The following ABCB5 variants were observed in gnomAD, a reference collection of about 807,000 sequenced individuals.
The protein encoded by ABCB5 is ATP binding cassette subfamily B member 5.
A neutral mutation model predicts 144.2 loss-of-function variants in ABCB5; 155 were observed. That is an observed-to-expected ratio of 1.08 (90% CI 0.94 to 1.23). The LOEUF (loss-of-function observed/expected upper bound fraction) is 1.23. ABCB5 is among the 50% of genes most tolerant of loss of function. The pLI, the probability that ABCB5 is intolerant of heterozygous loss-of-function variation, is 0.00. For missense variants in ABCB5, 1,830 were observed against 1,520.8 expected, an observed-to-expected ratio of 1.20 and a Z score of -3.38; for synonymous variants, 610 against 528.6, an observed-to-expected ratio of 1.15 and a Z score of -2.11.
chr7:20,733,178 C>T lies in ABCB5; in HGVS notation c.2867+4723C>T, dbSNP rs138940993. ...GATTCCAGAGGTTTGGTTTACTCAA[C>T]GTACATTATTATTATTATTATTATT... is the stretch of plus-strand genomic sequence containing the variant. On this transcript the variant is annotated intron_variant, in intron 23 of 27. Coordinates refer to ENST00000404938, the MANE Select transcript of ABCB5 (RefSeq NM_001163941.2). Among the ~76,000 whole-genome samples, 893 of 150,842 alleles carry T rather than the reference C, an allele frequency of 5.9e-3. 10 individuals carry two copies. Among genetic ancestry groups the T allele is most frequent in the African/African-American group, 0.021 (837 of 40,542 alleles).
intron 22 of ABCB5, 30 bp from the exon 23 acceptor site, chr7:20,728,285 T>C (rs1371803364): frequency 1.9e-6 from 3 of 1,609,836 alleles, no homozygotes; most frequent in Non-Finnish European, 2.5e-6. Context: ...AATTCATGCC[T>C]CATTATTTGG....
At chr7:20,731,363 A>ATAT (rs1258144138) in intron 23 of ABCB5, among the ~76,000 whole-genome samples, 3 of 88,024 alleles carry the variant, frequency 3.4e-5, no homozygotes, top group Non-Finnish European at 6.5e-5. Flanking sequence ...AGGAAAAAAA[A>ATAT]AAAAAAATAT....
chr7:20,655,930 G>A (rs755268992), intron 13 of ABCB5, among the ~76,000 whole-genome samples: 1 of 152,194 alleles, frequency 6.6e-6, no homozygotes, highest in Non-Finnish European at 1.5e-5. Flanking sequence ...CGTGGTAGTG[G>A]CATAATGATG....
At chr7:20,703,226 T>C (rs1183280184) in intron 19 of ABCB5, among the ~76,000 whole-genome samples, 2 of 152,176 alleles carry the variant, frequency 1.3e-5, no homozygotes, top group Non-Finnish European at 2.9e-5. Flanking sequence ...ATACATAAAA[T>C]ATCTTAATTT....
At chr7:20,676,156 TCTA>T (rs1470851972) in intron 14 of ABCB5, among the ~76,000 whole-genome samples, 7 of 132,338 alleles carry the variant, frequency 5.3e-5, no homozygotes, top group African/African-American at 9.1e-5. Flanking sequence ...ACCCAGCAAT[TCTA>T]CTACACATAC....
At chr7:20,726,635 G>T (rs1311574448) in intron 21 of ABCB5, among the ~76,000 whole-genome samples, 4 of 152,058 alleles carry the variant, frequency 2.6e-5, no homozygotes, top group African/African-American at 9.7e-5. Context: ...CCAAAGTACT[G>T]GGATTACAAT....
At chr7:20,622,351 T>C (rs1046395063) in intron 1 of ABCB5, among the ~76,000 whole-genome samples, 16 of 152,128 alleles carry the variant, frequency 1.1e-4, no homozygotes, top group African/African-American at 3.9e-4. Context: ...CCATATGAAG[T>C]ATGACCATTT....
chr7:20,643,186 T>A lies in ABCB5; in HGVS notation c.317T>A (p.Leu106Ter). 1 of 1,605,994 alleles carries A rather than the reference T, an allele frequency of 6.2e-7. No homozygotes were observed. The highest frequency in any genetic ancestry group is 8.5e-7 in the Non-Finnish European group (1 of 1,174,154). ...QEKLNEDMTL[L>*]TLYYVGIGVA... ...ACATTCTAATACTCTTTCTTCAGGTTGACCCTGTATTATGTTGGAATAGGT... is the reference window on the plus strand; with the variant it reads ...ACATTCTAATACTCTTTCTTCAGGTAGACCCTGTATTATGTTGGAATAGGT... Residue 106 changes from leucine to a stop codon, truncating the protein, a stop_gained and splice_region_variant, in exon 6 of 28, where the codon TTG (leucine) becomes TAG (stop). Transcript: ENST00000404938. LOFTEE classifies it high-confidence loss of function.
At chr7:20,629,291 C>A (rs767378602) in intron 4 of ABCB5, among the ~76,000 whole-genome samples, 5 of 151,998 alleles carry the variant, frequency 3.3e-5, no homozygotes, top group African/African-American at 1.2e-4. Flanking sequence ...GCCAATGTTG[C>A]AGTTCAAATC....
chr7:20,627,708 T>G (rs973316085), intron 3 of ABCB5, among the ~76,000 whole-genome samples: 11 of 152,122 alleles, frequency 7.2e-5, no homozygotes, highest in Non-Finnish European at 1.5e-4. Flanking sequence ...GGATAGGCAT[T>G]GTTCTGTGTA....
In ABCB5 at chr7:20,745,394, G is replaced by T; in HGVS notation, c.3385G>T (p.Ala1129Ser). The change falls in exon 26 of 28, where the codon GCA becomes TCA. Residue 1129 changes from alanine (A) to serine (S), a missense_variant. By Grantham distance (99) the Ala-to-Ser change is moderately conservative (BLOSUM62 1). Coordinates refer to ENST00000404938, the MANE Select transcript of ABCB5 (RefSeq NM_001163941.2). Reference protein sequence around the residue: ...VVPLDEIKEAANAANIHSFIE... With the variant: ...VVPLDEIKEASNAANIHSFIE... ...GCCATTAGATGAGATCAAAGAAGCC[G>T]CAAATGCAGCAAATATCCATTCTTT... 1.2e-6 allele frequency: 2 copies of T among 1,614,156 alleles called. No individual in the cohort carries two copies. Among genetic ancestry groups the T allele is most frequent in the Middle Eastern group, 1.7e-4 (1 of 6,054 alleles).
chr7:20,663,043 A>C (rs577216593), intron 14 of ABCB5, among the ~76,000 whole-genome samples: 1 of 152,338 alleles, frequency 6.6e-6, no homozygotes, highest in Non-Finnish European at 1.5e-5. Context: ...GCTGTAAAAT[A>C]CACTGAAGCA....
intron 14 of ABCB5, among the ~76,000 whole-genome samples, chr7:20,661,317 C>T (rs567224116): frequency 2.0e-5 from 3 of 152,260 alleles, no homozygotes; most frequent in Non-Finnish European, 2.9e-5. Flanking sequence ...TAACACACAA[C>T]GTATATGTTT....
chr7:20,679,118 T>C (rs895901461), intron 14 of ABCB5, among the ~76,000 whole-genome samples: 2 of 152,112 alleles, frequency 1.3e-5, no homozygotes, highest in Non-Finnish European at 2.9e-5. Context: ...AAAAAATTGA[T>C]AAATTGGACT....
chr7:20,720,362 G>C (rs1357936912), intron 20 of ABCB5, among the ~76,000 whole-genome samples: 1 of 152,198 alleles, frequency 6.6e-6, no homozygotes, highest in African/African-American at 2.4e-5. Flanking sequence ...TAGCTTCAAA[G>C]TGCTTCAAGA....
intron 20 of ABCB5, among the ~76,000 whole-genome samples, chr7:20,710,384 G>C (rs1189041398): frequency 4.6e-5 from 4 of 87,284 alleles, no homozygotes; most frequent in Admixed American, 1.1e-4. Flanking sequence ...AAAAAAAAGT[G>C]GGGGGGGGGC....
At chr7:20,715,764 G>A (rs1297694545) in intron 20 of ABCB5, among the ~76,000 whole-genome samples, 1 of 149,082 alleles carries the variant, frequency 6.7e-6, no homozygotes, top group Non-Finnish European at 1.5e-5. Flanking sequence ...CTGTCACCCA[G>A]GCTGGAGTGC....
chr7:20,698,782 T>C lies in ABCB5; in HGVS notation c.2154+232T>C, dbSNP rs568637031. Among the ~76,000 whole-genome samples the C allele has an allele frequency of 6.7e-4, 102 of 152,342 alleles. 1 individual carries two copies. Among genetic ancestry groups the C allele is most frequent in the African/African-American group, 2.3e-3 (97 of 41,582 alleles). On this transcript the variant is annotated intron_variant, in intron 17 of 27. Transcript: ENST00000404938. ...ACTGGGCAATCAGTGAAGAAATTGCTTTGTTTTCTAATTTTTACTCCAGTG... is the reference window on the plus strand; with the variant it reads ...ACTGGGCAATCAGTGAAGAAATTGCCTTGTTTTCTAATTTTTACTCCAGTG...
chr7:20,698,200 G>A (rs2128042929), intron 16 of ABCB5, among the ~76,000 whole-genome samples: 1 of 152,096 alleles, frequency 6.6e-6, no homozygotes, highest in East Asian at 1.9e-4. Flanking sequence ...TGCACAAATA[G>A]TCACTTGTGG....
Sources: allele counts gnomAD v4.1 joint callset (sites outside exome capture counted in the v4.1 genomes callset), GRCh38; gene constraint gnomAD v4.1.1; transcripts MANE v1.5; gene names NCBI Gene and HGNC (gene_info 2026-07-23, HGNC 2026-07-21).